CSMD3: variants seen among roughly 807,000 people sequenced by gnomAD.
CSMD3 encodes CUB and sushi domain-containing protein 3.
Under a neutral mutation model 435.2 loss-of-function variants are expected in CSMD3, and 177 were observed. The ratio of observed to expected loss-of-function variants is 0.41; its 90% CI spans 0.36 to 0.46. CSMD3 has a LOEUF of 0.46. Among genes scored for constraint, CSMD3 ranks in the 20% least tolerant of loss-of-function variants. CSMD3 has a pLI of 0.34. For synonymous variants in CSMD3, 1,656 were observed against 1,520.5 expected, an observed-to-expected ratio of 1.09 and a Z score of -2.07; for missense variants, 4,265 against 4,504.6, an observed-to-expected ratio of 0.95 and a Z score of 1.52.
At chr8:112,976,381 T>C (rs1027697118) in intron 6 of CSMD3, among the ~76,000 whole-genome samples, 1 of 152,084 alleles carries the variant, frequency 6.6e-6, no homozygotes, top group Non-Finnish European at 1.5e-5. Flanking sequence ...TTAACTGTAA[T>C]ACATTGAAGA....
At position 112,386,988 on chromosome 8, in the gene CSMD3, G is replaced by T. The variant is rs148406397; in HGVS notation, c.5935-3325C>A. 7.7e-3 allele frequency among the ~76,000 whole-genome samples: 1,176 copies of T among 152,226 alleles called. 51 individuals are homozygous for T. Among genetic ancestry groups the T allele is most frequent in the Admixed American group, 0.068 (1,041 of 15,286 alleles). ...GATTATATAAAATCACGATAATCAT[G>T]CTGTAAATTGATACAATAATGTAGC... On this transcript the variant is annotated intron_variant, in intron 36 of 70. Coordinates refer to ENST00000297405, the MANE Select transcript of CSMD3 (RefSeq NM_198123.2).
chr8:113,156,133 A>G (rs2091923902), intron 4 of CSMD3, among the ~76,000 whole-genome samples: 1 of 152,068 alleles, frequency 6.6e-6, no homozygotes. Context: ...TTAGAATAGA[A>G]AGGTAAGCAA....
chr8:113,225,705 T>C (rs79237588), intron 3 of CSMD3, among the ~76,000 whole-genome samples: 1 of 151,522 alleles, frequency 6.6e-6, no homozygotes, highest in Non-Finnish European at 1.5e-5. Flanking sequence ...ATGAGTAACA[T>C]ACAATTCAGG....
intron 46 of CSMD3, 97 bp downstream of exon 46, chr8:112,319,804 T>C: frequency 4.6e-6 from 4 of 873,458 alleles, no homozygotes; most frequent in Non-Finnish European, 5.9e-6. Context: ...AATGAGGGTC[T>C]CAAGACAGGC....
At chr8:112,328,334 A>C (rs1420861695) in intron 45 of CSMD3, among the ~76,000 whole-genome samples, 2 of 152,196 alleles carry the variant, frequency 1.3e-5, no homozygotes, top group East Asian at 3.8e-4. Context: ...CCTTAGTTTT[A>C]ATTGAAGAGA....
chr8:112,660,100 T>C (rs1445430834), intron 17 of CSMD3, among the ~76,000 whole-genome samples: 1 of 152,154 alleles, frequency 6.6e-6, no homozygotes, highest in East Asian at 1.9e-4. Flanking sequence ...TCTTCAAGAA[T>C]ATTCTCAGAA....
chr8:113,130,673 T>C (rs957207252), intron 4 of CSMD3, among the ~76,000 whole-genome samples: 1 of 152,038 alleles, frequency 6.6e-6, no homozygotes, highest in Non-Finnish European at 1.5e-5. Flanking sequence ...GCTATAAAGG[T>C]ACATGAAAAA....
At chr8:113,242,207 T>C (rs1369816888) in intron 3 of CSMD3, among the ~76,000 whole-genome samples, 1 of 151,860 alleles carries the variant, frequency 6.6e-6, no homozygotes, top group African/African-American at 2.4e-5. Context: ...AGTACAATAT[T>C]TTAGAGCTAG....
chr8:112,902,533 T>C (rs2082133671), intron 10 of CSMD3, among the ~76,000 whole-genome samples: 1 of 151,266 alleles, frequency 6.6e-6, no homozygotes, highest in African/African-American at 2.4e-5. Flanking sequence ...TCTAAATATA[T>C]GAACCTGGTT....
At chr8:112,807,474 A>G (rs2079116965) in intron 12 of CSMD3, among the ~76,000 whole-genome samples, 1 of 149,222 alleles carries the variant, frequency 6.7e-6, no homozygotes, top group African/African-American at 2.5e-5. Flanking sequence ...AAGTTACTGG[A>G]GTTGCAATTC....
In CSMD3 at chr8:112,921,670, A is replaced by T. The variant is rs2130630767; in HGVS notation, c.1590T>A (p.Ala530=). Residue 530 remains alanine, a synonymous_variant, in exon 10 of 71, where the codon GCT becomes GCA. Transcript: ENST00000297405. ...GAKSITCQRI[A]EVFAAWSDHR... ...GATCACTCCAAGCAGCAAAAACTTCAGCTATCCGTTGACAGGTGATGCTCT... is the reference window on the plus strand; with the variant it reads ...GATCACTCCAAGCAGCAAAAACTTCTGCTATCCGTTGACAGGTGATGCTCT... The T allele has an allele frequency of 1.2e-6, 2 of 1,612,742 alleles. No homozygotes were observed. Among genetic ancestry groups the T allele is most frequent in the Non-Finnish European group, 1.7e-6 (2 of 1,178,930 alleles).
intron 40 of CSMD3, among the ~76,000 whole-genome samples, chr8:112,347,579 A>C (rs1313150550): frequency 2.6e-5 from 4 of 152,204 alleles, no homozygotes; most frequent in African/African-American, 9.6e-5. Context: ...ATAATCTTGG[A>C]GTCAACCTGC....
chr8:112,311,664 C>T (rs1821988368), intron 49 of CSMD3, among the ~76,000 whole-genome samples: 1 of 152,178 alleles, frequency 6.6e-6, no homozygotes, highest in Non-Finnish European at 1.5e-5. Flanking sequence ...CTTTCCCAGT[C>T]TATTAAAGTG....
rs530161887 is a variant in CSMD3 at position 112,962,679 on chromosome 8, A to T, written c.1343-7918T>A. ...TCAGTGCCTAGATTCTGTTTAAAAT[A>T]AACATAGATGGGTTCTGATGGTTGT... is the stretch of plus-strand genomic sequence containing the variant. On this transcript the variant is annotated intron_variant, in intron 7 of 70. Coordinates refer to ENST00000297405, the MANE Select transcript of CSMD3 (RefSeq NM_198123.2). Among the ~76,000 whole-genome samples, 294 of 151,966 alleles carry T rather than the reference A, an allele frequency of 1.9e-3. 1 individual carries two copies. Among genetic ancestry groups the T allele is most frequent in the African/African-American group, 6.7e-3 (279 of 41,434 alleles).
intron 3 of CSMD3, among the ~76,000 whole-genome samples, chr8:113,213,980 C>T (rs534575462): frequency 2.0e-5 from 3 of 152,022 alleles, no homozygotes; most frequent in East Asian, 3.9e-4. Flanking sequence ...AATAAAAATC[C>T]CTCCCCTCAC....
chr8:113,005,060 T>TAC (rs943983334), intron 6 of CSMD3, among the ~76,000 whole-genome samples: 1 of 151,854 alleles, frequency 6.6e-6, no homozygotes, highest in Admixed American at 6.6e-5. Flanking sequence ...TCTGTATATA[T>TAC]ACACACATAT....
intron 4 of CSMD3, among the ~76,000 whole-genome samples, chr8:113,110,974 T>C (rs2090620416): frequency 6.6e-6 from 1 of 152,180 alleles, no homozygotes. Flanking sequence ...AATGAGCTCC[T>C]GTGGGCCTAT....
chr8:112,512,690 CT>C (rs1701005050), intron 28 of CSMD3, among the ~76,000 whole-genome samples: 1 of 152,152 alleles, frequency 6.6e-6, no homozygotes, highest in Admixed American at 6.5e-5. Context: ...GCATTAGCCC[CT>C]ATAAGAGAGT....
intron 32 of CSMD3, among the ~76,000 whole-genome samples, chr8:112,428,405 T>C (rs912518331): frequency 5.9e-5 from 9 of 152,080 alleles, no homozygotes; most frequent in African/African-American, 1.9e-4. Flanking sequence ...CAAACAACCA[T>C]GGGAGATATG....
Sources: gnomAD v4.1 joint callset for allele counts (sites outside exome capture counted in the v4.1 genomes callset) on GRCh38, gnomAD v4.1.1 for gene constraint, MANE v1.5 for transcripts, NCBI Gene and HGNC (gene_info 2026-07-23, HGNC 2026-07-21) for gene names.